Variants in USH2A observed in about 807,000 individuals in gnomAD.
USH2A encodes the protein usherin.
Under a neutral mutation model 538.9 loss-of-function variants are expected in USH2A, and 443 were observed. That is an observed-to-expected ratio of 0.82 (90% CI 0.76 to 0.89). USH2A has a LOEUF of 0.89. Ranked by LOEUF, USH2A falls within the 40% of genes least tolerant of loss-of-function variation. The pLI, the probability that USH2A is intolerant of heterozygous loss-of-function variation, is 0.00. For missense variants in USH2A, 6,633 were observed against 6,324.8 expected, an observed-to-expected ratio of 1.05 and a Z score of -1.65; for synonymous variants, 2,413 against 2,273.5, an observed-to-expected ratio of 1.06 and a Z score of -1.75.
At chr1:215,985,663 T>C (rs1336561855) in intron 35 of USH2A, among the ~76,000 whole-genome samples, 1 of 152,158 alleles carries the variant, frequency 6.6e-6, no homozygotes, top group Non-Finnish European at 1.5e-5. Context: ...TATTTATTTC[T>C]ATGCATGCAT....
At chr1:216,174,520 C>G (rs1342588838) in intron 21 of USH2A, 6 of 985,106 alleles carry the variant, frequency 6.1e-6, no homozygotes, top group East Asian at 1.1e-4. Context: ...TTTATTTAAG[C>G]TTTTGATAAT....
chr1:216,237,584 A>G (rs779646241), intron 13 of USH2A, among the ~76,000 whole-genome samples: 5 of 152,002 alleles, frequency 3.3e-5, no homozygotes, highest in Non-Finnish European at 5.9e-5. Flanking sequence ...GGACTTATAA[A>G]TGGCTCTTCT....
At chr1:216,372,089 T>G (rs773115569) in intron 3 of USH2A, among the ~76,000 whole-genome samples, 1 of 152,198 alleles carries the variant, frequency 6.6e-6, no homozygotes, top group Admixed American at 6.5e-5. Flanking sequence ...CCACAAATAT[T>G]TGTAATGTTT....
In USH2A at chr1:216,308,889, T is replaced by G. The variant is rs114725193; in HGVS notation, c.1644+12994A>C. Among the ~76,000 whole-genome samples the G allele has an allele frequency of 4.6e-3, 701 of 152,354 alleles. 4 individuals are homozygous for G. Among genetic ancestry groups the G allele is most frequent in the African/African-American group, 0.016 (683 of 41,586 alleles). On this transcript the variant is annotated intron_variant, in intron 9 of 71. Coordinates refer to ENST00000307340, the MANE Select transcript of USH2A (RefSeq NM_206933.4). ...TTTTCAAACTTGAAGTGTGCTTGTT[T>G]TTTGAGTATGTCTCTCACACCCTCA...
chr1:216,091,655 C>T (rs902904549), intron 22 of USH2A, among the ~76,000 whole-genome samples: 6 of 152,046 alleles, frequency 3.9e-5, no homozygotes, highest in East Asian at 1.9e-4. Context: ...ATAGCCTCTA[C>T]GTTGTATTAA....
At chr1:216,147,284 TATA>T (rs2033727284) in intron 21 of USH2A, among the ~76,000 whole-genome samples, 1 of 152,036 alleles carries the variant, frequency 6.6e-6, no homozygotes, top group Admixed American at 6.6e-5. Flanking sequence ...TCCTCCACCC[TATA>T]ATCTTTTTAT....
intron 3 of USH2A, among the ~76,000 whole-genome samples, chr1:216,388,087 G>A (rs1317076246): frequency 6.6e-6 from 1 of 152,134 alleles, no homozygotes; most frequent in Non-Finnish European, 1.5e-5. Context: ...CCATGAACAA[G>A]TTACATGGCT....
chr1:216,025,057 C>T (rs905414693), intron 32 of USH2A, among the ~76,000 whole-genome samples: 4 of 151,798 alleles, frequency 2.6e-5, no homozygotes, highest in Middle Eastern at 3.2e-3. Context: ...GTGAGGATAA[C>T]AACATTTAAA....
At chr1:216,343,979 C>G (rs1378034075) in intron 4 of USH2A, among the ~76,000 whole-genome samples, 1 of 151,566 alleles carries the variant, frequency 6.6e-6, no homozygotes, top group Non-Finnish European at 1.5e-5. Context: ...TTCTTTATTC[C>G]TTTACTTTCT....
chr1:215,871,141 G>T (rs926498513), intron 43 of USH2A, among the ~76,000 whole-genome samples: 3 of 152,062 alleles, frequency 2.0e-5, no homozygotes, highest in African/African-American at 7.2e-5. Flanking sequence ...TCCCCCATTT[G>T]CTTGAGACCA....
chr1:216,416,144 C>A (rs1270166578), intron 3 of USH2A, among the ~76,000 whole-genome samples: 1 of 151,852 alleles, frequency 6.6e-6, no homozygotes, highest in African/African-American at 2.4e-5. Flanking sequence ...CCAGCCTGGG[C>A]AACAAGGGAG....
At chr1:215,798,810 C>T in intron 50 of USH2A, 97 bp downstream of exon 50, 2 of 1,378,678 alleles carry the variant, frequency 1.5e-6, no homozygotes, top group South Asian at 1.2e-5. Context: ...CCAATGTGAG[C>T]TTTAATTACT....
intron 9 of USH2A, among the ~76,000 whole-genome samples, chr1:216,318,333 G>A (rs2037545266): frequency 6.6e-6 from 1 of 152,100 alleles, no homozygotes; most frequent in African/African-American, 2.4e-5. Flanking sequence ...ATATTAAAAC[G>A]TATAATTTTA....
intron 61 of USH2A, among the ~76,000 whole-genome samples, chr1:215,704,284 T>A (rs896655036): frequency 6.6e-6 from 1 of 152,200 alleles, no homozygotes; most frequent in African/African-American, 2.4e-5. Context: ...AATCCCCTAC[T>A]TCTGCTTTTA....
chr1:215,700,621 G>A (rs1363402938), intron 61 of USH2A, among the ~76,000 whole-genome samples: 3 of 152,082 alleles, frequency 2.0e-5, no homozygotes, highest in Admixed American at 2.0e-4. Context: ...TCCTCTGATG[G>A]TAGTTTGTAT....
intron 71 of USH2A, among the ~76,000 whole-genome samples, chr1:215,627,441 C>CTTCT (rs1377090201): frequency 0.11 from 6,150 of 54,750 alleles, 702 homozygotes; most frequent in Middle Eastern, 0.16. Flanking sequence ...TCCTTCCTTC[C>CTTCT]TTCCTTCCTT....
intron 47 of USH2A, among the ~76,000 whole-genome samples, chr1:215,837,260 C>CTG (rs148910436): frequency 0.013 from 1,917 of 150,202 alleles, 36 homozygotes; most frequent in African/African-American, 0.043. Context: ...GTGTATGTGT[C>CTG]TGTGTGTGTG....
intron 12 of USH2A, among the ~76,000 whole-genome samples, chr1:216,249,779 TAAAG>T (rs1235254639): frequency 1.3e-5 from 2 of 152,048 alleles, no homozygotes; most frequent in Non-Finnish European, 2.9e-5. Context: ...AAATAAAAGA[TAAAG>T]AATTAGATTT....
intron 61 of USH2A, among the ~76,000 whole-genome samples, chr1:215,705,352 G>T (rs1353672316): frequency 6.6e-6 from 1 of 152,072 alleles, no homozygotes; most frequent in Non-Finnish European, 1.5e-5. Flanking sequence ...ATCATAGTAT[G>T]ATTTTTTGAA....
Sources: gnomAD v4.1 joint callset for allele counts (sites outside exome capture counted in the v4.1 genomes callset) on GRCh38, gnomAD v4.1.1 for gene constraint, MANE v1.5 for transcripts, NCBI Gene and HGNC (gene_info 2026-07-23, HGNC 2026-07-21) for gene names.